The following RGS7 variants were observed in gnomAD, a reference collection of about 807,000 sequenced individuals.
The protein encoded by RGS7 is regulator of G protein signaling 7, also known as regulator of G-protein signaling 7.
In RGS7, 27 loss-of-function variants were observed where a neutral mutation model predicts 81.1. The ratio of observed to expected loss-of-function variants is 0.33; its 90% CI spans 0.25 to 0.46. The LOEUF (loss-of-function observed/expected upper bound fraction) is 0.46. Ranked by LOEUF, RGS7 falls within the 20% of genes least tolerant of loss-of-function variation. RGS7 has a pLI of 1.00. For synonymous variants in RGS7, 208 were observed against 207.7 expected (o/e 1.00, Z -0.01); for missense variants, 396 against 607.4 (o/e 0.65, Z 3.66).
intron 6 of RGS7, among the ~76,000 whole-genome samples, chr1:240,893,551 A>G (rs1019528586): frequency 6.6e-6 from 1 of 152,152 alleles, no homozygotes; most frequent in Non-Finnish European, 1.5e-5. Flanking sequence ...TCTATTTGAA[A>G]TGAGAGCCTT....
At chr1:241,251,588 C>A (rs563014715) in intron 2 of RGS7, among the ~76,000 whole-genome samples, 4 of 152,080 alleles carry the variant, frequency 2.6e-5, no homozygotes, top group South Asian at 2.1e-4. Flanking sequence ...TGGCTCACTG[C>A]AACCTCCTTC....
intron 10 of RGS7, among the ~76,000 whole-genome samples, chr1:240,822,766 A>AT (rs1692033218): frequency 6.6e-6 from 1 of 152,126 alleles, no homozygotes; most frequent in Non-Finnish European, 1.5e-5. Flanking sequence ...TTAAATATTG[A>AT]TTTTTAAAAG....
At chr1:241,293,906 A>G (rs2079235787) in intron 2 of RGS7, among the ~76,000 whole-genome samples, 1 of 152,234 alleles carries the variant, frequency 6.6e-6, no homozygotes, top group Admixed American at 6.5e-5. Flanking sequence ...ATCTAGAACC[A>G]GAAATACCAT....
At chr1:241,067,969 A>G (rs1202159947) in intron 3 of RGS7, among the ~76,000 whole-genome samples, 1 of 151,826 alleles carries the variant, frequency 6.6e-6, no homozygotes, top group Non-Finnish European at 1.5e-5. Flanking sequence ...ATGTAGACAG[A>G]GAGTATGTGA....
chr1:241,356,830 G>C (rs1270458949), intron 1 of RGS7, 69 bp downstream of exon 1: 2 of 150,816 alleles, frequency 1.3e-5, no homozygotes, highest in African/African-American at 4.9e-5. Flanking sequence ...AGCGAGGGCT[G>C]GGTGCGGGCC....
rs1277006189 is a variant in RGS7, at chr1:241,221,088, GAAGA to G, written c.79-122330_79-122327del. On this transcript the variant is annotated intron_variant, in intron 2 of 18. Transcript: ENST00000440928. ...GAGAGAGAGAAAGGAAGGAAGGAAG[GAAGA>G]AAGGAAGGAAGGAAGGAAGGAAGGG... is the stretch of plus-strand genomic sequence containing the variant. 4.1e-4 allele frequency among the ~76,000 whole-genome samples: 55 copies of G among 134,312 alleles called. 2 individuals carry two copies. In the South Asian group the frequency reaches 7.4e-3, roughly 18 times the overall value. The allele number at this position is 134,312 out of a possible 152,430, so 88.1% of individuals were successfully genotyped here.
Position 241,309,569 on chromosome 1 carries a change from T to C in RGS7, c.78+46130A>G, listed in dbSNP as rs560938103. Reference sequence around the variant, plus strand: ...ATCTGGTGTTAAGATTCCAGGCATCTGACATTTGCCACTCGACAGGAAAGA... The same window carrying C: ...ATCTGGTGTTAAGATTCCAGGCATCCGACATTTGCCACTCGACAGGAAAGA... On this transcript the variant is annotated intron_variant, in intron 2 of 18. Transcript: ENST00000440928. 2.0e-5 allele frequency among the ~76,000 whole-genome samples: 3 copies of C among 152,316 alleles called. No individual in the cohort carries two copies. In the South Asian group the frequency reaches 6.2e-4, roughly 32 times the overall value.
chr1:240,983,278 T>C, intron 3 of RGS7, 149 bp from the exon 4 acceptor site: 1 of 508,724 alleles, frequency 2.0e-6, no homozygotes, highest in Non-Finnish European at 3.5e-6. Flanking sequence ...CCAGATGGAA[T>C]GCTGAAAACA....
At chr1:240,810,509 C>G (rs1289316452) in intron 14 of RGS7, among the ~76,000 whole-genome samples, 1 of 144,186 alleles carries the variant, frequency 6.9e-6, no homozygotes, top group Non-Finnish European at 1.5e-5. Flanking sequence ...TGCAGTGGTG[C>G]AATCTCAGCT....
At position 240,986,804 on chromosome 1, in the gene RGS7, G is replaced by C. The variant is rs1337528739; in HGVS notation, c.176-3675C>G. Reference sequence around the variant, plus strand: ...TCACCGTGTTAGCCAGGATGGTCTCGATCTCCTGACCTCGTGATCCGCCCG... The same window carrying C: ...TCACCGTGTTAGCCAGGATGGTCTCCATCTCCTGACCTCGTGATCCGCCCG... On this transcript the variant is annotated intron_variant, in intron 3 of 18. Coordinates refer to ENST00000440928, the MANE Select transcript of RGS7 (RefSeq NM_001364886.1). Among the ~76,000 whole-genome samples, 4 of 2,066 alleles carry C rather than the reference G, an allele frequency of 1.9e-3. 2 individuals carry two copies. Among genetic ancestry groups the C allele is most frequent in the Non-Finnish European group, 3.7e-3 (4 of 1,094 alleles). The allele number at this position is 2,066 out of a possible 152,430, so 1.4% of individuals were successfully genotyped here.
intron 6 of RGS7, among the ~76,000 whole-genome samples, chr1:240,893,630 G>A (rs1668604057): frequency 6.6e-6 from 1 of 151,584 alleles, no homozygotes; most frequent in Admixed American, 6.6e-5. Context: ...TCCAAAACTT[G>A]AGAATATATA....
chr1:240,817,893 G>A (rs553315655), intron 10 of RGS7, among the ~76,000 whole-genome samples: 323 of 152,114 alleles, frequency 2.1e-3, no homozygotes, highest in Non-Finnish European at 3.6e-3. Context: ...GTGAGCCACC[G>A]CGCCTGGCCT....
At chr1:241,065,522 T>C (rs1168563297) in intron 3 of RGS7, among the ~76,000 whole-genome samples, 1 of 152,224 alleles carries the variant, frequency 6.6e-6, no homozygotes, top group African/African-American at 2.4e-5. Context: ...AGTTCAATAC[T>C]TACGTTAACA....
chr1:241,149,916 C>T (rs775196918), intron 2 of RGS7, among the ~76,000 whole-genome samples: 3 of 152,116 alleles, frequency 2.0e-5, no homozygotes, highest in Non-Finnish European at 4.4e-5. Flanking sequence ...GCTGGGATTA[C>T]GGGTGTGTGC....
intron 2 of RGS7, among the ~76,000 whole-genome samples, chr1:241,269,184 T>C (rs2148332747): frequency 6.6e-6 from 1 of 152,346 alleles, no homozygotes; most frequent in South Asian, 2.1e-4. Flanking sequence ...GTTGACAGAC[T>C]CGTGGGTCTC....
rs183081894 is a variant in RGS7 at position 240,999,214 on chromosome 1, G to T, written c.176-16085C>A. On this transcript the variant is annotated intron_variant, in intron 3 of 18. Transcript: ENST00000440928. ...TCAGTTTATTTCCTGAGGCCTTCTA[G>T]TTTGTAATATGCTTAAAGCATATTA... Among the ~76,000 whole-genome samples, 336 of 151,580 alleles carry T rather than the reference G, an allele frequency of 2.2e-3. 2 individuals are homozygous for T. Among genetic ancestry groups the T allele is most frequent in the African/African-American group, 7.9e-3 (326 of 41,408 alleles).
intron 2 of RGS7, among the ~76,000 whole-genome samples, chr1:241,160,583 T>A (rs1279978604): frequency 1.3e-5 from 2 of 152,154 alleles, no homozygotes; most frequent in Non-Finnish European, 1.5e-5. Context: ...GCAGAATATA[T>A]GTTTGGATTT....
intron 2 of RGS7, among the ~76,000 whole-genome samples, chr1:241,309,743 G>C (rs780290091): frequency 6.6e-6 from 1 of 152,208 alleles, no homozygotes; most frequent in Non-Finnish European, 1.5e-5. Flanking sequence ...GAAAATTTAG[G>C]AAAGGAATGC....
intron 9 of RGS7, among the ~76,000 whole-genome samples, chr1:240,845,432 C>T (rs189895420): frequency 6.6e-5 from 10 of 152,220 alleles, no homozygotes; most frequent in Admixed American, 3.3e-4. Flanking sequence ...TGCACAAAGC[C>T]GGTCCTGGTG....
Sources: allele counts gnomAD v4.1 joint callset (sites outside exome capture counted in the v4.1 genomes callset), GRCh38; gene constraint gnomAD v4.1.1; transcripts MANE v1.5; gene names NCBI Gene and HGNC (gene_info 2026-07-23, HGNC 2026-07-21).